PLCL1: variants seen among roughly 807,000 people sequenced by gnomAD.
PLCL1 encodes the protein phospholipase C like 1 (inactive), also known as inactive phospholipase C-like protein 1.
In PLCL1, 41 loss-of-function variants were observed where a neutral mutation model predicts 84.4. That is an observed-to-expected ratio of 0.49 (90% CI 0.38 to 0.63). The LOEUF (loss-of-function observed/expected upper bound fraction) is 0.63. Ranked by LOEUF, PLCL1 falls within the 30% of genes least tolerant of loss-of-function variation. The probability of loss-of-function intolerance (pLI) is 0.00; values close to 1 mark genes in which losing one functional copy is unlikely to be tolerated. For synonymous variants in PLCL1, 490 were observed against 488.3 expected, an observed-to-expected ratio of 1.00 and a Z score of -0.05; for missense variants, 1,206 against 1,367.8, an observed-to-expected ratio of 0.88 and a Z score of 1.87.
At position 198,085,860 on chromosome 2, in the gene PLCL1, T is replaced by G. The variant is rs1692864371; in HGVS notation, c.2343T>G (p.Thr781=). The G allele has an allele frequency of 4.3e-6, 7 of 1,614,020 alleles. No homozygotes were observed. The highest frequency in any genetic ancestry group is 2.2e-5 in the South Asian group (2 of 91,082). ...GTGATAATCCTATTTTTGATGAAAC[T>G]TTTGAGTTCCAAGTAAACCTACCTG... ...QNSDNPIFDE[T]FEFQVNLPEL... The change falls in exon 2 of 6, where the codon ACT becomes ACG. Residue 781 remains threonine (T), a synonymous_variant. Transcript: ENST00000428675. The surrounding 1 kb of genome is among the most constrained non-coding windows in gnomAD (Gnocchi z 5.3).
chr2:198,148,186 G>T lies in PLCL1; in HGVS notation c.*1224G>T, dbSNP rs1167391621. 6.6e-6 allele frequency: 1 copy of T among 152,218 alleles called. No homozygotes were observed. The allele number at this position is 152,218 out of a possible 1,614,324, so 9.4% of individuals were successfully genotyped here. On this transcript the variant is annotated 3_prime_UTR_variant, in exon 6 of 6. Coordinates refer to ENST00000428675, the MANE Select transcript of PLCL1 (RefSeq NM_006226.4). ...CTCCAACAGAACTAAATGTTCTATG[G>T]TTATGAAAGAATATATTTATTTAAA...
intron 1 of PLCL1, among the ~76,000 whole-genome samples, chr2:197,852,831 G>A (rs538039279): frequency 1.3e-5 from 2 of 152,044 alleles, no homozygotes; most frequent in Non-Finnish European, 1.5e-5. Context: ...TCTATAATAT[G>A]TATCTATGTC....
At position 198,084,187 on chromosome 2, in the gene PLCL1, C is replaced by A; in HGVS notation, c.670C>A (p.Arg224=). ...GTCTGGGTTACGGTACCTGGTTTCT[C>A]GAAGTAAGCAGCCTCTTGATTTTAT... ...WVSGLRYLVS[R]SKQPLDFMEG... The change falls in exon 2 of 6, where the codon CGA becomes AGA. Residue 224 remains arginine, a synonymous_variant. Transcript: ENST00000428675. The A allele has an allele frequency of 6.2e-7, 1 of 1,614,012 alleles. No individual in the cohort carries two copies. The highest frequency in any genetic ancestry group is 1.6e-4 in the Middle Eastern group (1 of 6,062).
At chr2:197,907,038 C>T (rs1406750499) in intron 1 of PLCL1, among the ~76,000 whole-genome samples, 1 of 151,906 alleles carries the variant, frequency 6.6e-6, no homozygotes, top group Non-Finnish European at 1.5e-5. Context: ...GAACATGTCT[C>T]AAAATAATAA....
At chr2:197,991,628 C>A (rs1690348095) in intron 1 of PLCL1, among the ~76,000 whole-genome samples, 1 of 152,168 alleles carries the variant, frequency 6.6e-6, no homozygotes, top group African/African-American at 2.4e-5. Flanking sequence ...TCTACTTCCA[C>A]TGGAAGTACA....
intron 5 of PLCL1, among the ~76,000 whole-genome samples, chr2:198,137,883 A>C (rs897836589): frequency 6.6e-6 from 1 of 152,136 alleles, no homozygotes. Flanking sequence ...TCACTTTTGT[A>C]ACCCCCAGAG....
chr2:198,147,095 C>A lies in PLCL1; in HGVS notation c.*133C>A, dbSNP rs1324224425. 9.4e-6 allele frequency: 6 copies of A among 638,610 alleles called. No homozygotes were observed. The highest frequency in any genetic ancestry group is 1.6e-5 in the Non-Finnish European group (6 of 379,870). The allele number at this position is 638,610 out of a possible 1,614,324, so 39.6% of individuals were successfully genotyped here. A position where few individuals can be genotyped will look rare whatever the true frequency, so the allele number is the denominator to read the frequency against. ...GGGGTATTGGACATAGATATTTTCA[C>A]AATGTCAGTATTTCAGTGTAGTTAA... On this transcript the variant is annotated 3_prime_UTR_variant, in exon 6 of 6. Transcript: ENST00000428675.
intron 1 of PLCL1, among the ~76,000 whole-genome samples, chr2:198,032,802 T>C (rs1691458692): frequency 6.6e-6 from 1 of 152,182 alleles, no homozygotes; most frequent in African/African-American, 2.4e-5. Context: ...AGATAAAATA[T>C]TACTTGTTAT....
intron 1 of PLCL1, among the ~76,000 whole-genome samples, chr2:197,972,148 T>C (rs1388433040): frequency 6.6e-6 from 1 of 152,222 alleles, no homozygotes; most frequent in Non-Finnish European, 1.5e-5. Context: ...AAAATGCTTT[T>C]GTAAGATTAT....
At chr2:197,923,058 G>A (rs1688744963) in intron 1 of PLCL1, among the ~76,000 whole-genome samples, 3 of 132,226 alleles carry the variant, frequency 2.3e-5, no homozygotes. Flanking sequence ...CTCCCAGACG[G>A]GGCGGCTGGC....
intron 1 of PLCL1, among the ~76,000 whole-genome samples, chr2:197,816,601 G>A (rs1690694802): frequency 6.6e-6 from 1 of 151,902 alleles, no homozygotes; most frequent in Admixed American, 6.6e-5. Context: ...GGCTAAGGAT[G>A]GACCATTACT....
chr2:198,103,840 T>C lies in PLCL1; in HGVS notation c.3009T>C (p.His1003=), dbSNP rs532957115. The stretch of plus-strand genomic sequence containing the variant: ...CTTTCTTCAAAGGGATGGAGTTCCA[T>C]GAAGAACTTCATAATTTGGGGGCAA... The part of the protein sequence containing the change: ...VQCQKAGMEF[H]EELHNLGAKE... Residue 1003 remains histidine (H), a synonymous_variant, in exon 5 of 6, where the codon CAT becomes CAC. Coordinates refer to ENST00000428675, the MANE Select transcript of PLCL1 (RefSeq NM_006226.4). 16 of 1,595,180 alleles carry C rather than the reference T, an allele frequency of 1.0e-5. No individual in the cohort carries two copies. In the African/African-American group the frequency reaches 1.1e-4, roughly 11 times the overall value.
At chr2:198,041,366 C>T (rs925028609) in intron 1 of PLCL1, among the ~76,000 whole-genome samples, 1 of 149,924 alleles carries the variant, frequency 6.7e-6, no homozygotes, top group Non-Finnish European at 1.5e-5. Flanking sequence ...AATAAGTAGA[C>T]AATGTTCTGT....
At chr2:198,074,097 C>T (rs1023858222) in intron 1 of PLCL1, among the ~76,000 whole-genome samples, 3 of 152,006 alleles carry the variant, frequency 2.0e-5, no homozygotes, top group Non-Finnish European at 4.4e-5. Context: ...TACCACTAGT[C>T]GTTATATATT....
chr2:197,818,426 G>C (rs534124179), intron 1 of PLCL1, among the ~76,000 whole-genome samples: 4 of 152,072 alleles, frequency 2.6e-5, no homozygotes, highest in African/African-American at 9.7e-5. Flanking sequence ...GTTGGGGCGG[G>C]GGGTGTTTGT....
chr2:198,116,146 T>G (rs1693744017), intron 5 of PLCL1, among the ~76,000 whole-genome samples: 1 of 151,434 alleles, frequency 6.6e-6, no homozygotes, highest in Non-Finnish European at 1.5e-5. Flanking sequence ...TTTTTTAAAG[T>G]CATATTGAAA....
rs1394738142 is a variant in PLCL1 at position 198,083,905 on chromosome 2, A to G, written c.388A>G (p.Ile130Val). Residue 130 changes from isoleucine (I) to valine (V), a missense_variant, in exon 2 of 6, where the codon ATT (isoleucine) becomes GTT (valine). Physicochemically the swap from Ile to Val is conservative, Grantham distance 29 (BLOSUM62 3). Coordinates refer to ENST00000428675, the MANE Select transcript of PLCL1 (RefSeq NM_006226.4). ...ELKKVRPNSR[I>V]YNRFFTLDTD... Reference sequence around the variant, plus strand: ...GAAGAAAGTCCGGCCAAATTCTCGCATTTACAACCGTTTTTTCACTCTGGA... The same window carrying G: ...GAAGAAAGTCCGGCCAAATTCTCGCGTTTACAACCGTTTTTTCACTCTGGA... 6.2e-7 allele frequency: 1 copy of G among 1,614,030 alleles called. No homozygotes were observed. Among genetic ancestry groups the G allele is most frequent in the African/African-American group, 1.3e-5 (1 of 74,938 alleles).
At chr2:198,117,358 A>T (rs1693770124) in intron 5 of PLCL1, among the ~76,000 whole-genome samples, 2 of 148,098 alleles carry the variant, frequency 1.4e-5, no homozygotes. Flanking sequence ...TTCAGATTCA[A>T]TTGGGCTTCA....
At chr2:198,109,341 T>C (rs1447398498) in intron 5 of PLCL1, among the ~76,000 whole-genome samples, 3 of 151,830 alleles carry the variant, frequency 2.0e-5, no homozygotes, top group African/African-American at 7.2e-5. Flanking sequence ...TACAGGGCAC[T>C]AATCACCTCC....
Sources: gnomAD v4.1 joint callset for allele counts (sites outside exome capture counted in the v4.1 genomes callset) on GRCh38, gnomAD v4.1.1 for gene constraint, Gnocchi (gnomAD v3.1) non-coding constraint, MANE v1.5 for transcripts, NCBI Gene and HGNC (gene_info 2026-07-23, HGNC 2026-07-21) for gene names.